NTN1: variants seen among roughly 807,000 people sequenced by gnomAD.
NTN1 encodes the protein netrin-1.
In NTN1, 11 loss-of-function variants were observed where a neutral mutation model predicts 54.2. The observed-to-expected ratio is 0.20, with a 90% confidence interval of 0.13 to 0.34. The LOEUF is 0.34. Ranked by LOEUF, NTN1 falls within the 10% of genes least tolerant of loss-of-function variation. The pLI is 1.00. For missense variants in NTN1, 740 were observed against 893.1 expected (o/e 0.83, Z 2.18); for synonymous variants, 371 against 382.0 (o/e 0.97, Z 0.33).
At chr17:9,066,563 G>T (rs1368134748) in intron 2 of NTN1, among the ~76,000 whole-genome samples, 1 of 152,184 alleles carries the variant, frequency 6.6e-6, no homozygotes, top group African/African-American at 2.4e-5. Context: ...TGGGGGCAGA[G>T]GTTGCAGTGA....
In NTN1 at chr17:9,162,841, C is replaced by T. The variant is rs761444091; in HGVS notation, c.1047C>T (p.Arg349=). 3.9e-5 allele frequency: 63 copies of T among 1,613,482 alleles called. No individual in the cohort carries two copies. The highest frequency in any genetic ancestry group is 4.7e-5 in the Non-Finnish European group (55 of 1,179,634). The change falls in exon 3 of 7, where the codon CGC becomes CGT. Residue 349 remains arginine (R), a synonymous_variant. Transcript: ENST00000173229. The stretch of plus-strand genomic sequence containing the variant: ...GTAACTGCAACCTGCATGCCCGGCG[C>T]TGCCGCTTCAACATGGAGCTCTACA... ...VACNCNLHAR[R]CRFNMELYKL...
At chr17:9,111,340 T>C (rs1249522729) in intron 2 of NTN1, among the ~76,000 whole-genome samples, 1 of 152,234 alleles carries the variant, frequency 6.6e-6, no homozygotes, top group South Asian at 2.1e-4. Context: ...CATATCTTTT[T>C]GGGGGTCATT....
upstream of NTN1, among the ~76,000 whole-genome samples, chr17:9,018,733 T>C (rs531679838): frequency 5.3e-4 from 81 of 152,022 alleles, no homozygotes; most frequent in Non-Finnish European, 1.1e-3. Flanking sequence ...GGTACCCCAG[T>C]CAGCTGAGCA....
intron 3 of NTN1, among the ~76,000 whole-genome samples, chr17:9,163,478 ACACACACACACACACACACACACAC>A (rs1567725794): frequency 2.9e-3 from 6 of 2,064 alleles, no homozygotes; most frequent in South Asian, 0.023. Context: ...CCCCCCCGAA[ACACACACACACACACACACACACAC>A]ACACACACAC....
chr17:9,004,298 A>T, the NTN1 span, among the ~76,000 whole-genome samples: 1 of 152,212 alleles, frequency 6.6e-6, no homozygotes, highest in Non-Finnish European at 1.5e-5. Context: ...ACAAGCATAG[A>T]TAGTAGAAAC....
intron 2 of NTN1, among the ~76,000 whole-genome samples, chr17:9,136,705 T>C (rs2092282639): frequency 6.6e-6 from 1 of 152,238 alleles, no homozygotes; most frequent in South Asian, 2.1e-4. Flanking sequence ...TTCATCCTTT[T>C]ATTATTTTTT....
At chr17:9,115,784 G>A (rs1270924412) in intron 2 of NTN1, among the ~76,000 whole-genome samples, 1 of 152,236 alleles carries the variant, frequency 6.6e-6, no homozygotes, top group Non-Finnish European at 1.5e-5. Context: ...GGGCAGCCTT[G>A]GATGGGGCTT....
At chr17:9,068,751 G>A (rs564422967) in intron 2 of NTN1, among the ~76,000 whole-genome samples, 164 of 152,038 alleles carry the variant, frequency 1.1e-3, no homozygotes, top group African/African-American at 3.8e-3. Context: ...TAGATGATCC[G>A]CCTACCTCGG....
chr17:9,064,352 T>A (rs1265012188), intron 2 of NTN1, among the ~76,000 whole-genome samples: 1 of 152,186 alleles, frequency 6.6e-6, no homozygotes, highest in East Asian at 1.9e-4. Flanking sequence ...TTTTCATGGC[T>A]TTCCATAAAG....
intron 2 of NTN1, among the ~76,000 whole-genome samples, chr17:9,037,916 T>TA (rs2091908138): frequency 1.3e-5 from 2 of 152,138 alleles, no homozygotes; most frequent in Admixed American, 1.3e-4. Context: ...CCAGAACACT[T>TA]ACAACGGTTG....
chr17:9,218,999 C>T (rs564370661), intron 5 of NTN1, among the ~76,000 whole-genome samples: 2 of 152,254 alleles, frequency 1.3e-5, no homozygotes, highest in East Asian at 1.9e-4. Context: ...CATTCCAATT[C>T]GCTTCCCTAA....
intron 2 of NTN1, among the ~76,000 whole-genome samples, chr17:9,024,391 A>G (rs749387957): frequency 1.1e-4 from 16 of 152,214 alleles, no homozygotes; most frequent in Admixed American, 6.5e-5. Context: ...CATTTATTTG[A>G]GCGAAAATTA....
the NTN1 span, among the ~76,000 whole-genome samples, chr17:9,006,503 C>T: frequency 2.0e-5 from 3 of 152,128 alleles, no homozygotes; most frequent in African/African-American, 4.8e-5. Flanking sequence ...ACTCCCAATC[C>T]GGAGCCAGGA....
Position 9,178,297 on chromosome 17 carries a change from G to A in NTN1, c.1208-1510G>A, listed in dbSNP as rs1043831796. On this transcript the variant is annotated intron_variant, in intron 3 of 6. Transcript: ENST00000173229. The stretch of plus-strand genomic sequence containing the variant: ...CTACAGGCAGGGAGCCCTGTAGGCT[G>A]CCCCCGTGCCAGGGCCTGTGCCCCC... Among the ~76,000 whole-genome samples, 3 of 152,208 alleles carry A rather than the reference G, an allele frequency of 2.0e-5. No homozygotes were observed. The South Asian group carries it at 6.2e-4, about 31-fold the overall frequency.
Position 9,221,074 on chromosome 17 carries a change from C to A in NTN1, c.1412-94C>A. The A allele has an allele frequency of 1.1e-6, 1 of 921,382 alleles. No individual in the cohort carries two copies. 57.1% of individuals were successfully genotyped at this position (921,382 alleles called of 1,614,324 possible). ...GCCCATGGGTATCACAGGCCTCTGG[C>A]TATTTAGGGAGGCGGCCTCCTACTC... On this transcript the variant is annotated intron_variant, in intron 5 of 6. Coordinates refer to ENST00000173229, the MANE Select transcript of NTN1 (RefSeq NM_004822.3). This position sits in a 1 kb window ranked among gnomAD's most constrained non-coding sequence, Gnocchi z 4.5.
At chr17:9,114,297 C>T (rs1207791472) in intron 2 of NTN1, among the ~76,000 whole-genome samples, 2 of 149,652 alleles carry the variant, frequency 1.3e-5, no homozygotes, top group East Asian at 1.9e-4. Flanking sequence ...AAAAAATGTG[C>T]ATATGCTTAC....
chr17:9,147,707 C>T (rs1301850498), intron 2 of NTN1, among the ~76,000 whole-genome samples: 1 of 152,100 alleles, frequency 6.6e-6, no homozygotes, highest in Non-Finnish European at 1.5e-5. Context: ...GGCAAAGTCA[C>T]TGTCCCCCAG....
intron 2 of NTN1, among the ~76,000 whole-genome samples, chr17:9,081,198 A>G (rs2314581): frequency 0.72 from 108,981 of 152,028 alleles, 39,305 homozygotes; most frequent in East Asian, 0.95. Context: ...GCTGGTGTCC[A>G]TTGCACAATT....
chr17:9,039,492 A>AT (rs996593591), intron 2 of NTN1, among the ~76,000 whole-genome samples: 23 of 151,648 alleles, frequency 1.5e-4, no homozygotes, highest in South Asian at 8.4e-4. Flanking sequence ...CTTCCAGATG[A>AT]TTTTTTTTTA....
Sources: gnomAD v4.1 joint callset for allele counts (sites outside exome capture counted in the v4.1 genomes callset) on GRCh38, gnomAD v4.1.1 for gene constraint, Gnocchi (gnomAD v3.1) non-coding constraint, MANE v1.5 for transcripts, NCBI Gene and HGNC (gene_info 2026-07-23, HGNC 2026-07-21) for gene names.